TET1: variants seen among roughly 807,000 people sequenced by gnomAD.
TET1 encodes the protein methylcytosine dioxygenase TET1.
TET1 carries 13 observed loss-of-function variants against 148.7 expected under a neutral mutation model. The ratio of observed to expected loss-of-function variants is 0.09; its 90% CI spans 0.06 to 0.14. The LOEUF (loss-of-function observed/expected upper bound fraction) is 0.14. Ranked by LOEUF, TET1 falls within the 10% of genes least tolerant of loss-of-function variation. The probability of loss-of-function intolerance (pLI) is 1.00; values close to 1 mark genes in which losing one functional copy is unlikely to be tolerated. For missense variants in TET1, 2,182 were observed against 2,553.8 expected (o/e 0.85, Z 3.14); for synonymous variants, 907 against 937.2 (o/e 0.97, Z 0.59).
intron 4 of TET1, among the ~76,000 whole-genome samples, chr10:68,651,553 A>AT (rs143003683): frequency 3.7e-4 from 55 of 150,644 alleles, no homozygotes; most frequent in African/African-American, 2.9e-4. Flanking sequence ...ATTAATACAG[A>AT]TTTTTTTTTT....
In TET1 at chr10:68,652,519, C is replaced by T. The variant is rs146476920; in HGVS notation, c.4386C>T (p.Asn1462=). ...TACTCAGGTATGGTCAAAAAGGAAACGCAATAAGGATAGAAATAGTAGTGT... is the reference window on the plus strand; with the variant it reads ...TACTCAGGTATGGTCAAAAAGGAAATGCAATAAGGATAGAAATAGTAGTGT... The part of the protein sequence containing the change: ...IMENRYGQKG[N]AIRIEIVVYT... Residue 1462 remains asparagine (N), a synonymous_variant, in exon 6 of 12, where the codon AAC becomes AAT. Coordinates refer to ENST00000373644, the MANE Select transcript of TET1 (RefSeq NM_030625.3). The T allele has an allele frequency of 3.5e-5, 57 of 1,609,902 alleles. No homozygotes were observed. In the African/African-American group the frequency reaches 3.7e-4, roughly 11 times the overall value.
chr10:68,672,497 AAAAAAAAAAAAAAACACC>A (rs2055286964), intron 7 of TET1, among the ~76,000 whole-genome samples: 1 of 148,132 alleles, frequency 6.8e-6, no homozygotes, highest in African/African-American at 2.5e-5. Context: ...CAAAAAAAAA[AAAAAAAAAAAAAAACACC>A]AAAAAAAAAA....
intron 6 of TET1, among the ~76,000 whole-genome samples, chr10:68,659,883 G>A (rs1167923136): frequency 1.3e-5 from 2 of 152,168 alleles, no homozygotes; most frequent in Non-Finnish European, 2.9e-5. Flanking sequence ...TGTGAACTCA[G>A]TCATTAATCC....
intron 3 of TET1, among the ~76,000 whole-genome samples, chr10:68,624,670 C>CTTTT (rs2054442785): frequency 2.4e-5 from 2 of 84,084 alleles, no homozygotes; most frequent in South Asian, 9.8e-4. Flanking sequence ...CTCTCTCTCT[C>CTTTT]TCTCTCTCTC....
intron 2 of TET1, among the ~76,000 whole-genome samples, chr10:68,590,344 C>G (rs1398142349): frequency 1.3e-5 from 2 of 152,052 alleles, no homozygotes; most frequent in South Asian, 2.1e-4. Context: ...GTTGCCCAGG[C>G]TGGTCTCAAA....
At chr10:68,582,899 C>A (rs557633714) in intron 2 of TET1, among the ~76,000 whole-genome samples, 5 of 152,042 alleles carry the variant, frequency 3.3e-5, no homozygotes, top group African/African-American at 7.2e-5. Context: ...GGGAAAAAAA[C>A]CAAAAAACAA....
intron 6 of TET1, among the ~76,000 whole-genome samples, chr10:68,652,897 C>T (rs2054960607): frequency 6.8e-6 from 1 of 147,978 alleles, no homozygotes; most frequent in Non-Finnish European, 1.5e-5. Flanking sequence ...GATCCTCCCG[C>T]CTCAGTCCCC....
At chr10:68,669,474 CTT>C (rs3085667) in intron 7 of TET1, among the ~76,000 whole-genome samples, 3 of 61,620 alleles carry the variant, frequency 4.9e-5, no homozygotes, top group South Asian at 1.1e-3. Context: ...CCATGCCCAG[CTT>C]TTTTTTTTTT....
chr10:68,599,256 C>A (rs1253236574), intron 2 of TET1, among the ~76,000 whole-genome samples: 1 of 152,224 alleles, frequency 6.6e-6, no homozygotes, highest in African/African-American at 2.4e-5. Flanking sequence ...GCCGGGGAGG[C>A]CCTCCTGCCA....
At chr10:68,562,904 T>A (rs1398541944) in intron 1 of TET1, among the ~76,000 whole-genome samples, 1 of 152,216 alleles carries the variant, frequency 6.6e-6, no homozygotes, top group Non-Finnish European at 1.5e-5. Context: ...GCTTTATTAC[T>A]ATAGATGTCG....
chr10:68,584,037 C>T (rs1564953544), intron 2 of TET1, among the ~76,000 whole-genome samples: 1 of 145,534 alleles, frequency 6.9e-6, no homozygotes, highest in African/African-American at 2.5e-5. Context: ...AATAAAATAT[C>T]TTTTTTTTTT....
intron 2 of TET1, among the ~76,000 whole-genome samples, chr10:68,584,664 G>A (rs1415673984): frequency 1.3e-5 from 2 of 151,486 alleles, no homozygotes; most frequent in African/African-American, 4.8e-5. Context: ...AGCTGAGATC[G>A]CACCACTGCA....
intron 6 of TET1, among the ~76,000 whole-genome samples, chr10:68,663,042 T>C (rs542195033): frequency 6.6e-6 from 1 of 152,244 alleles, no homozygotes. Context: ...AATTACCTGT[T>C]GGGTACAATG....
At chr10:68,682,136 T>C (rs2055445024) in intron 9 of TET1, among the ~76,000 whole-genome samples, 2 of 129,610 alleles carry the variant, frequency 1.5e-5, no homozygotes, top group African/African-American at 2.8e-5. Flanking sequence ...GTCTTGCTCT[T>C]GTTGCCCAGG....
At chr10:68,689,672 G>C (rs972067205) in intron 11 of TET1, among the ~76,000 whole-genome samples, 2 of 152,140 alleles carry the variant, frequency 1.3e-5, no homozygotes, top group Admixed American at 1.3e-4. Context: ...CCAGCTACTC[G>C]GGAGGCTGAG....
rs142832667 is a variant in TET1, at chr10:68,611,050, T to C, written c.1968+10016T>C. Among the ~76,000 whole-genome samples the C allele has an allele frequency of 4.5e-3, 680 of 152,158 alleles. 3 individuals are homozygous for C. Among genetic ancestry groups the C allele is most frequent in the African/African-American group, 0.015 (643 of 41,508 alleles). ...TGGCTCATGCCTGTAATCCCAGCAC[T>C]TTGGGAGGCCGAAGGTGGTGGGTCA... On this transcript the variant is annotated intron_variant, in intron 3 of 11. Transcript: ENST00000373644.
rs372721044 is a variant in TET1 at position 68,613,578 on chromosome 10, T to C, written c.1968+12544T>C. Among the ~76,000 whole-genome samples, 8 of 152,226 alleles carry C rather than the reference T, an allele frequency of 5.3e-5. No individual in the cohort carries two copies. In the East Asian group the frequency reaches 1.2e-3, roughly 22 times the overall value. On this transcript the variant is annotated intron_variant, in intron 3 of 11. Coordinates refer to ENST00000373644, the MANE Select transcript of TET1 (RefSeq NM_030625.3). ...AAAGAATGCCTTAATCATTGGTTCA[T>C]TGAAAAAACAACATGGAAAAAAAAA... is the stretch of plus-strand genomic sequence containing the variant.
At position 68,694,453 on chromosome 10, in the gene TET1, T is replaced by C. The variant is rs1485628598; in HGVS notation, c.*2639T>C. ...TGCTCTTTCTCATGAAGCAAGGAAA[T>C]AAATTTGTTTGAAATGACATTTTCT... On this transcript the variant is annotated 3_prime_UTR_variant, in exon 12 of 12. Transcript: ENST00000373644. The C allele has an allele frequency of 4.3e-6, 1 of 231,890 alleles. No individual in the cohort carries two copies. The highest frequency in any genetic ancestry group is 8.5e-6 in the Non-Finnish European group (1 of 117,362). 14.4% of individuals were successfully genotyped at this position (231,890 alleles called of 1,614,324 possible). A position where few individuals can be genotyped will look rare whatever the true frequency, so the allele number is the denominator to read the frequency against.
intron 1 of TET1, among the ~76,000 whole-genome samples, chr10:68,567,547 G>A (rs1189757963): frequency 1.3e-5 from 2 of 151,914 alleles, no homozygotes; most frequent in African/African-American, 4.8e-5. Flanking sequence ...ACCCGTCTCC[G>A]CCTCCAATAG....
Sources: gnomAD v4.1 joint callset for allele counts (sites outside exome capture counted in the v4.1 genomes callset) on GRCh38, gnomAD v4.1.1 for gene constraint, MANE v1.5 for transcripts, NCBI Gene and HGNC (gene_info 2026-07-23, HGNC 2026-07-21) for gene names.